The following TMC5 variants were observed in gnomAD, a reference collection of about 807,000 sequenced individuals.
The protein encoded by TMC5 is transmembrane channel-like protein 5.
A neutral mutation model predicts 110.5 loss-of-function variants in TMC5; 86 were observed. The observed-to-expected ratio is 0.78, with a 90% CI of 0.65 to 0.93. TMC5 has a LOEUF of 0.93. Among genes scored for constraint, TMC5 ranks in the 40% least tolerant of loss-of-function variants. The pLI is 0.00. For synonymous variants in TMC5, 455 were observed against 439.5 expected (o/e 1.04, Z -0.44); for missense variants, 1,144 against 1,222.8 (o/e 0.94, Z 0.96).
chr16:19,443,194 A>G (rs1448336527), intron 3 of TMC5, among the ~76,000 whole-genome samples: 1 of 152,242 alleles, frequency 6.6e-6, no homozygotes, highest in Non-Finnish European at 1.5e-5. Context: ...CAGATGCCTC[A>G]GTCAAACCTT....
chr16:19,438,136 A>T (rs937907827), intron 2 of TMC5, among the ~76,000 whole-genome samples: 2 of 152,142 alleles, frequency 1.3e-5, no homozygotes, highest in African/African-American at 4.8e-5. Flanking sequence ...TTACGCCTGT[A>T]ATCCCAGCAC....
In TMC5 at chr16:19,444,144, C is replaced by T. The variant is rs1381658488; in HGVS notation, c.852C>T (p.Gly284=). The T allele has an allele frequency of 6.2e-7, 1 of 1,613,974 alleles. No homozygotes were observed. Among genetic ancestry groups the T allele is most frequent in the Non-Finnish European group, 8.5e-7 (1 of 1,180,026 alleles). ...SFRHRSDDPV[G]SLWGENDYPE... The stretch of plus-strand genomic sequence containing the variant: ...GTCACAGGAGTGATGACCCCGTGGG[C>T]AGTCTTTGGGGAGAGAATGATTACC... The change falls in exon 4 of 22, where the codon GGC becomes GGT. Residue 284 remains glycine (G), a synonymous_variant. Transcript: ENST00000542583.
At chr16:19,465,242 T>C (rs1248275657) in intron 8 of TMC5, among the ~76,000 whole-genome samples, 1 of 151,802 alleles carries the variant, frequency 6.6e-6, no homozygotes, top group African/African-American at 2.4e-5. Context: ...TCTATTAATC[T>C]AAAATAATCA....
chr16:19,429,109 A>G (rs1017341919), intron 1 of TMC5, among the ~76,000 whole-genome samples: 1 of 152,192 alleles, frequency 6.6e-6, no homozygotes, highest in African/African-American at 2.4e-5. Flanking sequence ...TACAGGCATG[A>G]GCCACCATGC....
rs1459829319 is a variant in TMC5, at chr16:19,490,443, C to T, written c.2622C>T (p.Phe874=). Residue 874 remains phenylalanine, a synonymous_variant, in exon 18 of 22, where the codon TTC becomes TTT. Transcript: ENST00000542583. ...DCGPFRGLPL[F]IHSIYSWIDT... ...GCCCTTTTCGAGGTCTGCCTCTCTT[C>T]ATTCACTCCATCTACAGCTGGATCG... The T allele has an allele frequency of 1.2e-6, 2 of 1,614,054 alleles. No individual in the cohort carries two copies. The highest frequency in any genetic ancestry group is 1.7e-6 in the Non-Finnish European group (2 of 1,180,046).
chr16:19,418,084 T>G lies in TMC5; in HGVS notation c.-316T>G, dbSNP rs1372988910. The stretch of plus-strand genomic sequence containing the variant: ...GTTTGTCTGGATTTTCCTGTAGAAC[T>G]GAGGGCAGGTAAGTGAAAGTGCTTT... On this transcript the variant is annotated 5_prime_UTR_variant, in exon 1 of 22. Coordinates refer to ENST00000542583, the MANE Select transcript of TMC5 (RefSeq NM_001261841.2). The G allele has an allele frequency of 6.6e-6, 1 of 151,982 alleles. No individual in the cohort carries two copies. The highest frequency in any genetic ancestry group is 1.5e-5 in the Non-Finnish European group (1 of 68,048). 9.4% of individuals were successfully genotyped at this position (151,982 alleles called of 1,614,324 possible).
intron 18 of TMC5, 74 bp downstream of exon 18, chr16:19,490,642 G>C: frequency 6.7e-7 from 1 of 1,495,882 alleles, no homozygotes; most frequent in African/African-American, 1.4e-5. Flanking sequence ...GGGATGTTTG[G>C]TTGGAAAGCA....
chr16:19,421,334 G>A (rs567983380), intron 1 of TMC5, among the ~76,000 whole-genome samples: 1 of 152,196 alleles, frequency 6.6e-6, no homozygotes, highest in Admixed American at 6.5e-5. Context: ...GTCATGAGAG[G>A]GACGCTGTGG....
chr16:19,454,265 T>G (rs1967816179), intron 5 of TMC5, among the ~76,000 whole-genome samples: 1 of 152,108 alleles, frequency 6.6e-6, no homozygotes, highest in Non-Finnish European at 1.5e-5. Context: ...AGGCTGGTCT[T>G]GAACTCCTGG....
At chr16:19,448,149 CA>C (rs36050231) in intron 4 of TMC5, among the ~76,000 whole-genome samples, 5,627 of 76,200 alleles carry the variant, frequency 0.074, 179 homozygotes, top group African/African-American at 0.13. Flanking sequence ...GAGCAAGTCT[CA>C]AAAAAAAAAA....
intron 1 of TMC5, among the ~76,000 whole-genome samples, chr16:19,420,638 T>C (rs890134342): frequency 1.3e-5 from 2 of 152,032 alleles, no homozygotes. Context: ...ATTTTTAAAA[T>C]TTTTTGTAGA....
rs1189703942 is a variant in TMC5, at chr16:19,481,443, A to G, written c.2341A>G (p.Ile781Val). The G allele has an allele frequency of 5.6e-6, 9 of 1,613,724 alleles. No individual in the cohort carries two copies. The East Asian group carries it at 2.0e-4, about 36-fold the overall frequency. The change falls in exon 15 of 22, where the codon ATC (isoleucine) becomes GTC (valine). Residue 781 changes from isoleucine (I) to valine (V), a missense_variant. Coordinates refer to ENST00000542583, the MANE Select transcript of TMC5 (RefSeq NM_001261841.2). ...CATTGCCAGGAACGTTCTAGAACTGATCTATGCACAAACTCTGGTGTGGTA... is the reference window on the plus strand; with the variant it reads ...CATTGCCAGGAACGTTCTAGAACTGGTCTATGCACAAACTCTGGTGTGGTA... ...FDIARNVLEL[I>V]YAQTLVWIGI...
intron 1 of TMC5, among the ~76,000 whole-genome samples, chr16:19,427,370 T>G (rs1967106828): frequency 6.6e-6 from 1 of 152,208 alleles, no homozygotes; most frequent in Non-Finnish European, 1.5e-5. Context: ...AGGAATCACT[T>G]GAGTCCAGGA....
Position 19,455,371 on chromosome 16 carries a change from A to G in TMC5, c.1049-4864A>G, listed in dbSNP as rs571508956. Among the ~76,000 whole-genome samples, 9 of 152,160 alleles carry G rather than the reference A, an allele frequency of 5.9e-5. No homozygotes were observed. The South Asian group carries it at 1.9e-3, about 32-fold the overall frequency. ...AGGAGGCAAAGGCTGCAGTGAGCCA[A>G]GATCATGCCACTGTACTCCAGCCTG... On this transcript the variant is annotated intron_variant, in intron 5 of 21. Transcript: ENST00000542583.
chr16:19,492,873 C>A (rs58162891), intron 19 of TMC5, among the ~76,000 whole-genome samples: 13,435 of 137,420 alleles, frequency 0.098, 755 homozygotes, highest in African/African-American at 0.14. Context: ...TATTTTAAAG[C>A]AAATCTTAGG....
intron 10 of TMC5, among the ~76,000 whole-genome samples, chr16:19,470,253 A>C (rs1418967006): frequency 6.7e-6 from 1 of 148,716 alleles, no homozygotes; most frequent in East Asian, 2.0e-4. Flanking sequence ...CAGTGGCATG[A>C]TCTTGGCTCA....
chr16:19,415,715 C>T (rs1966873435), upstream of TMC5, among the ~76,000 whole-genome samples: 1 of 152,196 alleles, frequency 6.6e-6, no homozygotes, highest in Non-Finnish European at 1.5e-5. Context: ...AGGTACTGCC[C>T]TTTCACCCCA....
chr16:19,434,269 T>TA (rs1967275265), intron 2 of TMC5, among the ~76,000 whole-genome samples: 2 of 109,220 alleles, frequency 1.8e-5, no homozygotes, highest in African/African-American at 3.3e-5. Context: ...ATCTATAATA[T>TA]ATATAGATCT....
rs754529996 is a variant in TMC5, at chr16:19,487,342, C to T, written c.2573+16C>T. The T allele has an allele frequency of 6.2e-7, 1 of 1,607,980 alleles. No homozygotes were observed. Among genetic ancestry groups the T allele is most frequent in the South Asian group, 1.1e-5 (1 of 90,058 alleles). ...CCATCTGGAGGTAGGAGAAGGTGGC[C>T]TTGGGGGAGGTTTTAGAGACTGGGT... On this transcript the variant is annotated intron_variant, in intron 17 of 21. Coordinates refer to ENST00000542583, the MANE Select transcript of TMC5 (RefSeq NM_001261841.2).
Sources: allele counts gnomAD v4.1 joint callset (sites outside exome capture counted in the v4.1 genomes callset), GRCh38; gene constraint gnomAD v4.1.1; transcripts MANE v1.5; gene names NCBI Gene and HGNC (gene_info 2026-07-23, HGNC 2026-07-21).